Variants in CFAP61 observed in about 807,000 individuals in gnomAD.
The protein encoded by CFAP61 is cilia and flagella associated protein 61.
A neutral mutation model predicts 135.6 loss-of-function variants in CFAP61; 107 were observed. That is an observed-to-expected ratio of 0.79 (90% CI 0.67 to 0.93). CFAP61 has a LOEUF of 0.93. Among genes scored for constraint, CFAP61 ranks in the 40% least tolerant of loss-of-function variants. CFAP61 has a pLI of 0.00. For synonymous variants in CFAP61, 575 were observed against 578.5 expected (o/e 0.99, Z 0.09); for missense variants, 1,507 against 1,556.2 (o/e 0.97, Z 0.53).
At chr20:20,331,018 CTA>C (rs1352700438) in intron 25 of CFAP61, among the ~76,000 whole-genome samples, 2 of 152,210 alleles carry the variant, frequency 1.3e-5, no homozygotes, top group Non-Finnish European at 1.5e-5. Flanking sequence ...TACTTTGAGA[CTA>C]TATAAATACC....
chr20:20,146,385 G>C (rs1426456525), intron 9 of CFAP61, among the ~76,000 whole-genome samples: 1 of 152,156 alleles, frequency 6.6e-6, no homozygotes, highest in East Asian at 1.9e-4. Context: ...GTAATAGATG[G>C]AAGACATAAA....
chr20:20,317,820 A>G (rs2057225167), intron 25 of CFAP61, among the ~76,000 whole-genome samples: 1 of 152,122 alleles, frequency 6.6e-6, no homozygotes, highest in South Asian at 2.1e-4. Flanking sequence ...TTAGGAGCAA[A>G]TCCAAGTGAA....
intron 22 of CFAP61, among the ~76,000 whole-genome samples, chr20:20,285,806 G>A (rs2147058417): frequency 1.3e-5 from 2 of 151,734 alleles, no homozygotes; most frequent in East Asian, 1.9e-4. Context: ...TGTAGTTCCA[G>A]CTACATGGGG....
intron 1 of CFAP61, among the ~76,000 whole-genome samples, chr20:20,055,313 T>G (rs2044224856): frequency 6.6e-6 from 1 of 152,208 alleles, no homozygotes; most frequent in Admixed American, 6.5e-5. Context: ...CCATACCCAC[T>G]TTAGTCTAGA....
chr20:20,164,333 C>A, intron 11 of CFAP61, 105 bp downstream of exon 11: 1 of 1,092,074 alleles, frequency 9.2e-7, no homozygotes, highest in Non-Finnish European at 1.3e-6. Flanking sequence ...ACCTGGCCCA[C>A]ATCCTAATCT....
rs532083844 is a variant in CFAP61, at chr20:20,076,830, C to T, written c.566+1215C>T. Reference sequence around the variant, plus strand: ...GGATAGATCTGGATTCTGATCTTGGCTCTCCTGCTCACGAGGTGGGTTAAC... The same window carrying T: ...GGATAGATCTGGATTCTGATCTTGGTTCTCCTGCTCACGAGGTGGGTTAAC... On this transcript the variant is annotated intron_variant, in intron 6 of 26. Coordinates refer to ENST00000245957, the MANE Select transcript of CFAP61 (RefSeq NM_015585.4). Among the ~76,000 whole-genome samples, 4 of 152,272 alleles carry T rather than the reference C, an allele frequency of 2.6e-5. No homozygotes were observed. The East Asian group carries it at 7.7e-4, about 29-fold the overall frequency.
intron 6 of CFAP61, among the ~76,000 whole-genome samples, chr20:20,082,364 A>C (rs2046491317): frequency 6.6e-6 from 1 of 152,230 alleles, no homozygotes; most frequent in African/African-American, 2.4e-5. Flanking sequence ...TGATTTACCC[A>C]TGTGGAAAAT....
intron 13 of CFAP61, among the ~76,000 whole-genome samples, chr20:20,182,665 GTTTA>G (rs1414909173): frequency 6.6e-6 from 1 of 152,076 alleles, no homozygotes; most frequent in African/African-American, 2.4e-5. Flanking sequence ...TTAATTGAGA[GTTTA>G]TTTCTTACAT....
chr20:20,290,286 G>A lies in CFAP61; in HGVS notation c.3125-14G>A. The A allele has an allele frequency of 7.7e-6, 12 of 1,550,914 alleles. No homozygotes were observed. Among genetic ancestry groups the A allele is most frequent in the Non-Finnish European group, 1.1e-5 (12 of 1,122,540 alleles). On this transcript the variant is annotated splice_polypyrimidine_tract_variant and intron_variant, in intron 23 of 26. Transcript: ENST00000245957. ...ACAATTAATTTTAAATGGAAAACTTGCCATCTCTTCTAGGGGGCATTCTTC... is the reference window on the plus strand; with the variant it reads ...ACAATTAATTTTAAATGGAAAACTTACCATCTCTTCTAGGGGGCATTCTTC...
intron 26 of CFAP61, among the ~76,000 whole-genome samples, chr20:20,357,412 G>C (rs372869887): frequency 0.022 from 303 of 13,968 alleles, no homozygotes; most frequent in East Asian, 0.086. Context: ...GGTGGTCACA[G>C]TGTGAGGGGA....
chr20:20,169,590 T>A, intron 13 of CFAP61, 130 bp downstream of exon 13: 1 of 787,540 alleles, frequency 1.3e-6, no homozygotes, highest in Non-Finnish European at 1.8e-6. Context: ...AGGTCTTGAG[T>A]AAGTGATTTT....
rs114275290 is a variant in CFAP61, at chr20:20,259,063, G to A, written c.2329-3893G>A. On this transcript the variant is annotated intron_variant, in intron 20 of 26. Coordinates refer to ENST00000245957, the MANE Select transcript of CFAP61 (RefSeq NM_015585.4). The stretch of plus-strand genomic sequence containing the variant: ...CATGGTGCAGGGCTTATACTTGATG[G>A]CTTTTAAAAGTCATTACCACAGAGA... Among the ~76,000 whole-genome samples the A allele has an allele frequency of 9.7e-3, 1,470 of 151,990 alleles. 28 individuals are homozygous for A. Among genetic ancestry groups the A allele is most frequent in the African/African-American group, 0.034 (1,403 of 41,414 alleles).
intron 13 of CFAP61, among the ~76,000 whole-genome samples, chr20:20,181,114 T>C (rs2055033399): frequency 6.6e-6 from 1 of 151,570 alleles, no homozygotes; most frequent in Non-Finnish European, 1.5e-5. Context: ...TGACACAAGT[T>C]TGTCTATATA....
chr20:20,355,108 G>C (rs1281123687), intron 26 of CFAP61, among the ~76,000 whole-genome samples: 89 of 148,184 alleles, frequency 6.0e-4, no homozygotes, highest in Non-Finnish European at 1.1e-3. Context: ...ACTGTGTGAG[G>C]GGAGGTGGTC....
chr20:20,288,433 T>C (rs2054751961), intron 22 of CFAP61, among the ~76,000 whole-genome samples, 176 bp from the exon 23 acceptor site: 1 of 152,212 alleles, frequency 6.6e-6, no homozygotes. Flanking sequence ...TCTTAATGGG[T>C]TCTTCATGCC....
At position 20,290,203 on chromosome 20, in the gene CFAP61, A is replaced by G. The variant is rs1020624124; in HGVS notation, c.3125-97A>G. The G allele has an allele frequency of 5.1e-6, 4 of 790,922 alleles. No homozygotes were observed. In the East Asian group the frequency reaches 9.8e-5, roughly 19 times the overall value. 49.0% of individuals were successfully genotyped at this position (790,922 alleles called of 1,614,324 possible). On this transcript the variant is annotated intron_variant, in intron 23 of 26. Transcript: ENST00000245957. ...TGTGAAAGTTTGAGGAGCATACGCC[A>G]CTGCAGGCATCTGTTTGTCCTGTGA...
At chr20:20,205,738 C>A (rs1224369769) in intron 17 of CFAP61, among the ~76,000 whole-genome samples, 24 of 152,216 alleles carry the variant, frequency 1.6e-4, no homozygotes, top group Admixed American at 1.6e-3. Context: ...AGGTTTTGGA[C>A]ACCTGCTGAT....
chr20:20,064,182 C>A (rs6046587), intron 2 of CFAP61, among the ~76,000 whole-genome samples: 12 of 151,986 alleles, frequency 7.9e-5, no homozygotes, highest in African/African-American at 2.4e-4. Context: ...GCTTTTCCAT[C>A]GTAACTAAGC....
At chr20:20,126,719 T>C (rs2050093062) in intron 8 of CFAP61, among the ~76,000 whole-genome samples, 1 of 151,892 alleles carries the variant, frequency 6.6e-6, no homozygotes, top group African/African-American at 2.4e-5. Context: ...TGTGTTGAAT[T>C]TCTCAGGTGT....
Sources: allele counts gnomAD v4.1 joint callset (sites outside exome capture counted in the v4.1 genomes callset), GRCh38; gene constraint gnomAD v4.1.1; transcripts MANE v1.5; gene names NCBI Gene and HGNC (gene_info 2026-07-23, HGNC 2026-07-21).